The following EXOC4 variants were observed in gnomAD, a reference collection of about 807,000 sequenced individuals.
EXOC4 encodes SEC8-like 1.
A neutral mutation model predicts 107.2 loss-of-function variants in EXOC4; 71 were observed. The observed-to-expected ratio is 0.66, with a 90% CI of 0.55 to 0.81. EXOC4 has a LOEUF of 0.81. Among genes scored for constraint, EXOC4 ranks in the 30% least tolerant of loss-of-function variants. The pLI, the probability that EXOC4 is intolerant of heterozygous loss-of-function variation, is 0.00. For missense variants in EXOC4, 1,108 were observed against 1,189.6 expected (o/e 0.93, Z 1.01); for synonymous variants, 456 against 441.2 (o/e 1.03, Z -0.42).
intron 5 of EXOC4, among the ~76,000 whole-genome samples, chr7:133,350,744 A>G (rs1336544273): frequency 6.6e-6 from 1 of 152,038 alleles, no homozygotes; most frequent in Non-Finnish European, 1.5e-5. Flanking sequence ...TTGATGGGGC[A>G]GTTGCATTGA....
chr7:133,732,208 A>C (rs1795342983), intron 10 of EXOC4, among the ~76,000 whole-genome samples: 1 of 152,144 alleles, frequency 6.6e-6, no homozygotes, highest in South Asian at 2.1e-4. Flanking sequence ...ACCAAACACC[A>C]CATTTTCACT....
At chr7:133,765,409 T>C (rs1796115090) in intron 10 of EXOC4, among the ~76,000 whole-genome samples, 1 of 152,058 alleles carries the variant, frequency 6.6e-6, no homozygotes, top group Non-Finnish European at 1.5e-5. Context: ...TGGCTTGTTC[T>C]CATTTAAAAA....
chr7:133,289,352 A>G (rs1039344578), intron 3 of EXOC4, among the ~76,000 whole-genome samples: 1 of 152,220 alleles, frequency 6.6e-6, no homozygotes, highest in African/African-American at 2.4e-5. Flanking sequence ...ATAGTAAGAA[A>G]CCAGTACTTA....
At chr7:133,943,947 T>C (rs1315686127) in intron 14 of EXOC4, among the ~76,000 whole-genome samples, 1 of 152,142 alleles carries the variant, frequency 6.6e-6, no homozygotes, top group East Asian at 1.9e-4. Context: ...ATAATGTCAA[T>C]GTATCCATGG....
chr7:133,256,338 A>C (rs553459960), intron 1 of EXOC4, among the ~76,000 whole-genome samples: 1 of 152,114 alleles, frequency 6.6e-6, no homozygotes, highest in Non-Finnish European at 1.5e-5. Context: ...TCCTATCTTT[A>C]ACGTTGTTTT....
chr7:134,059,283 A>G (rs544003198), intron 17 of EXOC4, among the ~76,000 whole-genome samples: 1 of 152,314 alleles, frequency 6.6e-6, no homozygotes, highest in Admixed American at 6.5e-5. Context: ...GAGATGCAGT[A>G]CTAATTTTTG....
the EXOC4 span, among the ~76,000 whole-genome samples, chr7:134,075,483 A>G: frequency 3.3e-5 from 5 of 152,180 alleles, no homozygotes; most frequent in Admixed American, 6.5e-5. Flanking sequence ...CTTGTCTTAG[A>G]TGGCAGCAGG....
chr7:133,529,425 T>C (rs575364567), intron 9 of EXOC4, among the ~76,000 whole-genome samples: 12 of 152,312 alleles, frequency 7.9e-5, no homozygotes, highest in Non-Finnish European at 1.8e-4. Flanking sequence ...CTCATACTTA[T>C]CAGGCGAGGG....
chr7:133,522,305 A>T (rs774420888), intron 9 of EXOC4, among the ~76,000 whole-genome samples: 39 of 152,234 alleles, frequency 2.6e-4, no homozygotes, highest in Middle Eastern at 3.4e-3. Context: ...TTTCTCCATT[A>T]TAGACTTTGC....
chr7:133,497,533 C>T (rs562208366), intron 9 of EXOC4, among the ~76,000 whole-genome samples: 3 of 151,484 alleles, frequency 2.0e-5, no homozygotes, highest in South Asian at 2.1e-4. Flanking sequence ...TGGGTTCAAG[C>T]GATTCTTCTG....
chr7:133,385,793 G>T (rs1796713992), intron 7 of EXOC4, among the ~76,000 whole-genome samples: 1 of 152,152 alleles, frequency 6.6e-6, no homozygotes, highest in Non-Finnish European at 1.5e-5. Flanking sequence ...TGATTTAAAA[G>T]CCTACTTTGG....
intron 4 of EXOC4, among the ~76,000 whole-genome samples, chr7:133,315,662 T>C (rs964370157): frequency 6.6e-6 from 1 of 152,166 alleles, no homozygotes; most frequent in African/African-American, 2.4e-5. Context: ...TTGAGGACTG[T>C]TGGATTTTCT....
Position 134,051,439 on chromosome 7 carries a change from G to A in EXOC4, c.2688-12852G>A, listed in dbSNP as rs557074736. 3.3e-3 allele frequency among the ~76,000 whole-genome samples: 499 copies of A among 152,086 alleles called. 2 individuals carry two copies. Among genetic ancestry groups the A allele is most frequent in the Middle Eastern group, 0.01 (3 of 292 alleles). On this transcript the variant is annotated intron_variant, in intron 17 of 17. Coordinates refer to ENST00000253861, the MANE Select transcript of EXOC4 (RefSeq NM_021807.4). ...TGTAATCCTAGCACTTCGGGAGGCC[G>A]AGGCAGGTGGATCATGAGGTCAGGA... is the stretch of plus-strand genomic sequence containing the variant.
In EXOC4 at chr7:133,417,004, T is replaced by G. The variant is rs79577627; in HGVS notation, c.1182+42002T>G. Among the ~76,000 whole-genome samples the G allele has an allele frequency of 2.0e-3, 299 of 152,220 alleles. 1 individual carries two copies. The highest frequency in any genetic ancestry group is 7.0e-3 in the African/African-American group (289 of 41,534). The stretch of plus-strand genomic sequence containing the variant: ...TGTCTAAATGCATTGTCTAACAACA[T>G]TGAGGATTCACATGGATTTAGATAG... On this transcript the variant is annotated intron_variant, in intron 7 of 17. Transcript: ENST00000253861.
intron 1 of EXOC4, among the ~76,000 whole-genome samples, chr7:133,266,749 G>A (rs1212145180): frequency 2.6e-5 from 4 of 152,212 alleles, no homozygotes; most frequent in African/African-American, 9.6e-5. Context: ...AAATGGCCAT[G>A]TAAGATTTGT....
At chr7:133,880,911 GT>G (rs1205247020) in intron 11 of EXOC4, among the ~76,000 whole-genome samples, 1 of 152,216 alleles carries the variant, frequency 6.6e-6, no homozygotes, top group African/African-American at 2.4e-5. Context: ...AAGGCATATA[GT>G]TTTTTTGATT....
intron 3 of EXOC4, among the ~76,000 whole-genome samples, chr7:133,298,675 A>G (rs1794575916): frequency 6.6e-6 from 1 of 152,168 alleles, no homozygotes; most frequent in Non-Finnish European, 1.5e-5. Context: ...CAGGAAGGTA[A>G]TTGTGAACAG....
chr7:133,510,136 C>T (rs1275037076), intron 9 of EXOC4, among the ~76,000 whole-genome samples: 1 of 152,092 alleles, frequency 6.6e-6, no homozygotes, highest in African/African-American at 2.4e-5. Context: ...GCAGTAAATC[C>T]CCACCTCAGC....
Position 133,289,100 on chromosome 7 carries a change from G to A in EXOC4, c.455G>A (p.Ser152Asn), listed in dbSNP as rs1370181143. Residue 152 changes from serine (S) to asparagine (N), a missense_variant, in exon 3 of 18, where the codon AGT becomes AAT. By Grantham distance (46) the Ser-to-Asn change is conservative (BLOSUM62 1). Coordinates refer to ENST00000253861, the MANE Select transcript of EXOC4 (RefSeq NM_021807.4). ...TGCATGGCCAGCAAGCACTATCTCAGTGCCACTGACATGTTGGTAAGAGAA... is the reference window on the plus strand; with the variant it reads ...TGCATGGCCAGCAAGCACTATCTCAATGCCACTGACATGTTGGTAAGAGAA... ...EQCMASKHYL[S>N]ATDMLVSAVE... 1.9e-6 allele frequency: 3 copies of A among 1,613,954 alleles called. No homozygotes were observed. The highest frequency in any genetic ancestry group is 1.7e-6 in the Non-Finnish European group (2 of 1,179,968).
Sources: allele counts gnomAD v4.1 joint callset (sites outside exome capture counted in the v4.1 genomes callset), GRCh38; gene constraint gnomAD v4.1.1; transcripts MANE v1.5; gene names NCBI Gene and HGNC (gene_info 2026-07-23, HGNC 2026-07-21).